The following LRPPRC variants were observed in gnomAD, a reference collection of about 807,000 sequenced individuals.
The protein encoded by LRPPRC is leucine-rich PPR motif-containing protein, mitochondrial.
In LRPPRC, 120 loss-of-function variants were observed where a neutral mutation model predicts 180.3. The observed-to-expected ratio is 0.67, with a 90% confidence interval of 0.57 to 0.77. The LOEUF (loss-of-function observed/expected upper bound fraction) is 0.77, where lower values mean the gene tolerates loss of function less well. Ranked by LOEUF, LRPPRC falls within the 30% of genes least tolerant of loss-of-function variation. The pLI, the probability that LRPPRC is intolerant of heterozygous loss-of-function variation, is 0.00. For synonymous variants in LRPPRC, 723 were observed against 600.0 expected (o/e 1.21, Z -3.00); for missense variants, 2,012 against 1,657.2 (o/e 1.21, Z -3.72).
At chr2:43,897,492 CAG>C (rs1169642827) in intron 34 of LRPPRC, among the ~76,000 whole-genome samples, 3 of 152,078 alleles carry the variant, frequency 2.0e-5, no homozygotes, top group African/African-American at 4.8e-5. Context: ...TGGGGCCACA[CAG>C]AACATTTACA....
intron 13 of LRPPRC, chr2:43,959,134 G>A: frequency 5.8e-6 from 4 of 693,876 alleles, no homozygotes. Flanking sequence ...TATGATAAAA[G>A]GAAAAGGCAG....
intron 34 of LRPPRC, among the ~76,000 whole-genome samples, chr2:43,897,278 TAAAA>T (rs775337135): frequency 1.3e-4 from 19 of 147,982 alleles, no homozygotes; most frequent in Admixed American, 1.1e-3. Flanking sequence ...AAAGTTAAAC[TAAAA>T]AAAAAAGTTT....
chr2:43,889,925 T>A, intron 36 of LRPPRC, 49 bp from the exon 37 acceptor site: 2 of 1,442,034 alleles, frequency 1.4e-6, no homozygotes, highest in Admixed American at 1.7e-5. Flanking sequence ...ACAACCTATC[T>A]TACTCTTTTC....
chr2:43,940,378 T>C (rs1259479934), intron 23 of LRPPRC, among the ~76,000 whole-genome samples: 1 of 152,234 alleles, frequency 6.6e-6, no homozygotes. Context: ...TTCCCATTTA[T>C]GTAACATATT....
At chr2:43,911,523 C>CTTTTTTTTTTTTTTTTTT (rs531172761) in intron 30 of LRPPRC, among the ~76,000 whole-genome samples, 1 of 92,372 alleles carries the variant, frequency 1.1e-5, no homozygotes, top group African/African-American at 4.3e-5. Flanking sequence ...TCTTCTTCTT[C>CTTTTTTTTTTTTTTTTTT]TTTTTTTTTT....
intron 25 of LRPPRC, among the ~76,000 whole-genome samples, chr2:43,928,359 T>C (rs936573343): frequency 2.3e-4 from 35 of 152,320 alleles, no homozygotes; most frequent in African/African-American, 7.7e-4. Flanking sequence ...TTATTACCTG[T>C]TAGGTAAAAA....
chr2:43,972,189 GGTCA>G (rs1459294636), intron 11 of LRPPRC, among the ~76,000 whole-genome samples: 1 of 152,178 alleles, frequency 6.6e-6, no homozygotes, highest in Non-Finnish European at 1.5e-5. Flanking sequence ...TGGAAGCTAA[GGTCA>G]GTCACTGAAT....
At chr2:43,914,003 C>T (rs1447013232) in intron 29 of LRPPRC, among the ~76,000 whole-genome samples, 1 of 152,192 alleles carries the variant, frequency 6.6e-6, no homozygotes, top group Non-Finnish European at 1.5e-5. Context: ...ATTAAAGTCA[C>T]AGAATGGCTT....
At chr2:43,953,567 G>C (rs1184143227) in intron 14 of LRPPRC, among the ~76,000 whole-genome samples, 1 of 152,104 alleles carries the variant, frequency 6.6e-6, no homozygotes, top group African/African-American at 2.4e-5. Context: ...CCAATCTGTG[G>C]CTAGTTTTAA....
Position 43,949,634 on chromosome 2 carries a change from C to T in LRPPRC, c.1703G>A (p.Gly568Glu). 6.2e-7 allele frequency: 1 copy of T among 1,613,942 alleles called. No homozygotes were observed. The highest frequency in any genetic ancestry group is 8.5e-7 in the Non-Finnish European group (1 of 1,179,886). Reference sequence around the variant, plus strand: ...TCCTCGAGGCTCCTGGCAATAACGTCCATCCTTGTACAACAATTCTGTTAT... The same window carrying T: ...TCCTCGAGGCTCCTGGCAATAACGTTCATCCTTGTACAACAATTCTGTTAT... ...SEITELLYKD[G>E]RYCQEPRGPT... is the part of the protein sequence containing the mutation. Residue 568 changes from glycine (G) to glutamate (E), a missense_variant, in exon 16 of 38, where the codon GGA becomes GAA. By Grantham distance (98) the Gly-to-Glu change is moderately conservative. Transcript: ENST00000260665.
chr2:43,932,268 T>C (rs1672120578), intron 25 of LRPPRC, among the ~76,000 whole-genome samples: 1 of 151,840 alleles, frequency 6.6e-6, no homozygotes, highest in African/African-American at 2.4e-5. Flanking sequence ...CTTGCCTATA[T>C]CTTTCTTCAT....
intron 25 of LRPPRC, among the ~76,000 whole-genome samples, chr2:43,929,198 T>C (rs1359626535): frequency 6.6e-6 from 1 of 152,208 alleles, no homozygotes; most frequent in African/African-American, 2.4e-5. Flanking sequence ...TTTCTTGAAA[T>C]GTCACAACTT....
intron 24 of LRPPRC, 55 bp from the exon 25 acceptor site, chr2:43,934,351 CA>C: frequency 1.2e-6 from 1 of 814,310 alleles, no homozygotes; most frequent in Non-Finnish European, 2.0e-6. Flanking sequence ...CCCAGAAAAA[CA>C]GTATCATATG....
rs565904571 is a variant in LRPPRC, at chr2:43,938,515, G to C, written c.2505-3637C>G. Among the ~76,000 whole-genome samples the C allele has an allele frequency of 2.7e-4, 41 of 152,270 alleles. 1 individual carries two copies. The highest frequency in any genetic ancestry group is 9.4e-4 in the African/African-American group (39 of 41,562). On this transcript the variant is annotated intron_variant, in intron 23 of 37. Coordinates refer to ENST00000260665, the MANE Select transcript of LRPPRC (RefSeq NM_133259.4). ...GCATCAAAATTCATTCTAGAATCTA[G>C]AATTCACTTCTTAAGGGAACATGAC... is the stretch of plus-strand genomic sequence containing the variant.
rs890237263 is a variant in LRPPRC, at chr2:43,973,784, G to C, written c.1261+11C>G. ...CTTCCTTACTTGGCTTTAACTTTAA[G>C]AATGTAGTACCAGTTTTATTGGCGA... On this transcript the variant is annotated intron_variant, in intron 10 of 37. Transcript: ENST00000260665. 1.9e-6 allele frequency: 3 copies of C among 1,608,018 alleles called. No homozygotes were observed. Among genetic ancestry groups the C allele is most frequent in the African/African-American group, 1.3e-5 (1 of 74,768 alleles).
intron 1 of LRPPRC, among the ~76,000 whole-genome samples, chr2:43,986,939 T>A (rs911656345): frequency 2.1e-4 from 32 of 152,334 alleles, no homozygotes; most frequent in African/African-American, 7.7e-4. Context: ...TCAACTTATT[T>A]TGTTGCACTG....
intron 11 of LRPPRC, among the ~76,000 whole-genome samples, chr2:43,968,585 G>A (rs1018884044): frequency 1.3e-5 from 2 of 152,174 alleles, no homozygotes; most frequent in African/African-American, 4.8e-5. Context: ...CATAAAGAAA[G>A]CTGAAATGCC....
rs900174489 is a variant in LRPPRC, at chr2:43,943,817, T to C, written c.2374A>G (p.Met792Val). ...CCTCTTAAAGCTGCGCCATTTAGCA[T>C]GTGGAAAAAGGACAAGGCTGTTGTA... ...KDTTALSFFH[M>V]LNGAALRGEI... Residue 792 changes from methionine (M) to valine (V), a missense_variant, in exon 23 of 38, where the codon ATG becomes GTG. By Grantham distance (21) the Met-to-Val change is conservative. Transcript: ENST00000260665. 6 of 1,613,488 alleles carry C rather than the reference T, an allele frequency of 3.7e-6. No individual in the cohort carries two copies. The highest frequency in any genetic ancestry group is 1.1e-5 in the South Asian group (1 of 91,070).
At position 43,945,235 on chromosome 2, in the gene LRPPRC, C is replaced by G. The variant is rs1672634657; in HGVS notation, c.2296+97G>C. Reference sequence around the variant, plus strand: ...CAAATTTCTATGCAAAGTGTTCAAGCACTTTGCAGGACATGATATCCATTA... The same window carrying G: ...CAAATTTCTATGCAAAGTGTTCAAGGACTTTGCAGGACATGATATCCATTA... On this transcript the variant is annotated intron_variant, in intron 22 of 37. Transcript: ENST00000260665. The G allele has an allele frequency of 8.2e-6, 7 of 857,650 alleles. No individual in the cohort carries two copies. The South Asian group carries it at 9.4e-5, about 12-fold the overall frequency. 53.1% of individuals were successfully genotyped at this position (857,650 alleles called of 1,614,324 possible).
Sources: gnomAD v4.1 joint callset for allele counts (sites outside exome capture counted in the v4.1 genomes callset) on GRCh38, gnomAD v4.1.1 for gene constraint, MANE v1.5 for transcripts, NCBI Gene and HGNC (gene_info 2026-07-23, HGNC 2026-07-21) for gene names.